The following EPC1 variants were observed in gnomAD, a reference collection of about 807,000 sequenced individuals.
EPC1 encodes the protein enhancer of polycomb 1.
In EPC1, 12 loss-of-function variants were observed where a neutral mutation model predicts 98.4. The ratio of observed to expected loss-of-function variants is 0.12; its 90% CI spans 0.08 to 0.20. EPC1 has a LOEUF of 0.20. Ranked by LOEUF, EPC1 falls within the 10% of genes least tolerant of loss-of-function variation. The pLI, the probability that EPC1 is intolerant of heterozygous loss-of-function variation, is 1.00. For missense variants in EPC1, 729 were observed against 990.5 expected (o/e 0.74, Z 3.54); for synonymous variants, 357 against 363.9 (o/e 0.98, Z 0.21).
At chr10:32,345,637 G>A (rs908956065) in intron 1 of EPC1, 1 of 985,360 alleles carries the variant, frequency 1.0e-6, no homozygotes, top group Non-Finnish European at 1.2e-6. Context: ...GGGGAAATGA[G>A]AGGAAGATTC....
At chr10:32,370,637 A>G (rs1468698748) in intron 1 of EPC1, among the ~76,000 whole-genome samples, 1 of 152,204 alleles carries the variant, frequency 6.6e-6, no homozygotes, top group Non-Finnish European at 1.5e-5. Flanking sequence ...ATTCTAGACC[A>G]GGGCTGTTCA....
chr10:32,286,668 C>T (rs1360069970), intron 9 of EPC1, 26 bp downstream of exon 9: 4 of 1,611,588 alleles, frequency 2.5e-6, no homozygotes, highest in Non-Finnish European at 3.4e-6. Context: ...AAATATCCTT[C>T]TGCTAGGAAT....
chr10:32,305,952 G>C (rs766235590), intron 1 of EPC1, 21 bp from the exon 2 acceptor site: 13 of 1,581,478 alleles, frequency 8.2e-6, no homozygotes, highest in Non-Finnish European at 1.1e-5. Flanking sequence ...GAAAAAACAG[G>C]TAAGTTCATG....
chr10:32,324,059 C>T (rs889480836), intron 1 of EPC1, among the ~76,000 whole-genome samples: 2 of 152,050 alleles, frequency 1.3e-5, no homozygotes, highest in Non-Finnish European at 2.9e-5. Flanking sequence ...CTTCAGCCTC[C>T]CAAGTGGCTG....
chr10:32,354,547 A>G (rs1345241866), intron 1 of EPC1, among the ~76,000 whole-genome samples: 2 of 152,198 alleles, frequency 1.3e-5, no homozygotes, highest in Admixed American at 1.3e-4. Flanking sequence ...ATGTCACACA[A>G]TACATTTTAG....
chr10:32,312,923 T>C (rs1228389088), intron 1 of EPC1, among the ~76,000 whole-genome samples: 1 of 152,216 alleles, frequency 6.6e-6, no homozygotes, highest in Non-Finnish European at 1.5e-5. Flanking sequence ...AACAGATATC[T>C]AATGACTTGA....
Position 32,273,169 on chromosome 10 carries a change from T to C in EPC1, c.1857A>G (p.Thr619=), listed in dbSNP as rs775923864. The stretch of plus-strand genomic sequence containing the variant: ...AGACAGACAAATCCCTCACCTGTGA[T>C]GTGTTGGTGGAGGAATTACTATTTG... ...QQANSNSSTN[T]SQGFVSKTLD... is the part of the protein sequence containing the mutation. Residue 619 remains threonine, a synonymous_variant, in exon 11 of 14, where the codon ACA becomes ACG. Transcript: ENST00000319778. The C allele has an allele frequency of 1.2e-6, 2 of 1,614,156 alleles. No individual in the cohort carries two copies. The highest frequency in any genetic ancestry group is 1.7e-6 in the Non-Finnish European group (2 of 1,180,002).
chr10:32,303,886 T>C (rs1294596037), intron 2 of EPC1, among the ~76,000 whole-genome samples: 1 of 152,276 alleles, frequency 6.6e-6, no homozygotes, highest in Non-Finnish European at 1.5e-5. Flanking sequence ...AAGTTAATAC[T>C]GGATGAGGCT....
At chr10:32,322,690 A>G (rs1837000442) in intron 1 of EPC1, among the ~76,000 whole-genome samples, 2 of 152,350 alleles carry the variant, frequency 1.3e-5, no homozygotes, top group East Asian at 3.9e-4. Flanking sequence ...TGCATGTTTA[A>G]GATGACTCTC....
intron 1 of EPC1, among the ~76,000 whole-genome samples, chr10:32,324,788 T>C (rs1837170833): frequency 6.6e-6 from 1 of 152,024 alleles, no homozygotes; most frequent in Non-Finnish European, 1.5e-5. Flanking sequence ...GGTCAGGAGA[T>C]TGAGACCATC....
intron 1 of EPC1, among the ~76,000 whole-genome samples, chr10:32,320,472 C>G (rs1338144689): frequency 6.6e-6 from 1 of 152,162 alleles, no homozygotes; most frequent in African/African-American, 2.4e-5. Context: ...TGCACAGAGG[C>G]AGGGATAAGC....
chr10:32,333,003 A>T (rs142380457), intron 1 of EPC1, among the ~76,000 whole-genome samples: 236 of 152,308 alleles, frequency 1.5e-3, no homozygotes, highest in African/African-American at 5.4e-3. Context: ...CTTCCTAGGA[A>T]GGGGCAGGAG....
chr10:32,292,453 A>G (rs1176410390), intron 5 of EPC1, 43 bp downstream of exon 5: 1 of 1,383,022 alleles, frequency 7.2e-7, no homozygotes, highest in African/African-American at 1.5e-5. Context: ...ACAAAATGTT[A>G]ATGGCACTAT....
rs1276963065 is a variant in EPC1 at position 32,286,973 on chromosome 10, C to G, written c.1195G>C (p.Asp399His). 6.2e-7 allele frequency: 1 copy of G among 1,614,058 alleles called. No homozygotes were observed. Among genetic ancestry groups the G allele is most frequent in the South Asian group, 1.1e-5 (1 of 91,052 alleles). Residue 399 changes from aspartate (D) to histidine (H), a missense_variant, in exon 8 of 14, where the codon GAT (aspartate) becomes CAT (histidine). Around this residue, in one of 6 missense-constraint regions of EPC1, gnomAD observed 390 missense variants for 438.6 expected, o/e 0.89. Coordinates refer to ENST00000319778, the MANE Select transcript of EPC1 (RefSeq NM_001272004.3). ...SSEAEEDNDPDGPFAFRRKAG... is the reference protein window; with the variant it reads ...SSEAEEDNDPHGPFAFRRKAG... ...TTCCTACGGAAAGCAAAAGGACCAT[C>G]AGGATCATTGTCTTCCTCAGCTTCC...
intron 10 of EPC1, among the ~76,000 whole-genome samples, chr10:32,278,693 A>C (rs868761630): frequency 6.6e-6 from 1 of 152,206 alleles, no homozygotes; most frequent in Non-Finnish European, 1.5e-5. Context: ...TTCTTTTAGT[A>C]CACAGGCCAA....
intron 1 of EPC1, among the ~76,000 whole-genome samples, chr10:32,319,399 G>A (rs574476828): frequency 6.6e-6 from 1 of 152,148 alleles, no homozygotes; most frequent in Non-Finnish European, 1.5e-5. Flanking sequence ...TTTGTTGTAA[G>A]GGAAATATAG....
intron 1 of EPC1, among the ~76,000 whole-genome samples, chr10:32,320,641 C>CT (rs1404434732): frequency 5.9e-5 from 9 of 152,290 alleles, no homozygotes; most frequent in African/African-American, 1.9e-4. Flanking sequence ...GTTGCCCCTG[C>CT]TGGAGTGCAG....
chr10:32,371,592 C>T (rs768090693), intron 1 of EPC1, among the ~76,000 whole-genome samples: 12 of 152,170 alleles, frequency 7.9e-5, no homozygotes, highest in African/African-American at 1.2e-4. Flanking sequence ...GATATTAATG[C>T]TAAAGCATAA....
intron 1 of EPC1, among the ~76,000 whole-genome samples, chr10:32,342,121 T>C (rs1166584491): frequency 6.6e-6 from 1 of 152,236 alleles, no homozygotes; most frequent in Admixed American, 6.5e-5. Context: ...AAAATCCCCA[T>C]ACTCTCAATT....
Sources: gnomAD v4.1 joint callset for allele counts (sites outside exome capture counted in the v4.1 genomes callset) on GRCh38, gnomAD v4.1.1 for gene constraint, gnomAD v4.1.1 regional missense constraint, MANE v1.5 for transcripts, NCBI Gene and HGNC (gene_info 2026-07-23, HGNC 2026-07-21) for gene names.